Variants in TLE4 observed in about 807,000 individuals in gnomAD.
TLE4 encodes the protein transducin-like enhancer protein 4.
In TLE4, 8 loss-of-function variants were observed where a neutral mutation model predicts 92.8. That is an observed-to-expected ratio of 0.09 (90% CI 0.05 to 0.16). The LOEUF (loss-of-function observed/expected upper bound fraction) is 0.16. TLE4 is among the 10% of genes least tolerant of loss of function. The probability of loss-of-function intolerance (pLI) is 1.00; values close to 1 mark genes in which losing one functional copy is unlikely to be tolerated. For synonymous variants in TLE4, 371 were observed against 374.1 expected, an observed-to-expected ratio of 0.99 and a Z score of 0.10; for missense variants, 675 against 997.6, an observed-to-expected ratio of 0.68 and a Z score of 4.36.
intron 8 of TLE4, among the ~76,000 whole-genome samples, chr9:79,690,294 A>G (rs1232866076): frequency 3.3e-5 from 5 of 152,224 alleles, no homozygotes; most frequent in African/African-American, 9.6e-5. Flanking sequence ...TCACCTCTTC[A>G]TAAACGTGAA....
intron 1 of TLE4, chr9:79,573,462 C>A (rs894495301): frequency 1.6e-5 from 17 of 1,059,744 alleles, no homozygotes; most frequent in Non-Finnish European, 1.8e-5. Context: ...GGGTCCGGGG[C>A]GCGGGGGCCT....
At chr9:79,572,891 G>GC in intron 1 of TLE4, 56 bp downstream of exon 1, 9 of 1,538,820 alleles carry the variant, frequency 5.8e-6, no homozygotes, top group African/African-American at 2.8e-5. Context: ...TCCCCGCGTC[G>GC]CCCCCTGCGC....
chr9:79,667,099 G>C (rs1316925140), intron 8 of TLE4, among the ~76,000 whole-genome samples: 1 of 152,188 alleles, frequency 6.6e-6, no homozygotes, highest in Non-Finnish European at 1.5e-5. Flanking sequence ...GCTGCGCCCA[G>C]ATCTAGACAC....
Position 79,652,749 on chromosome 9 carries a change from C to T in TLE4, c.547C>T (p.Pro183Ser), listed in dbSNP as rs776133635. The T allele has an allele frequency of 4.6e-5, 75 of 1,613,988 alleles. 2 individuals carry two copies. In the South Asian group the frequency reaches 6.4e-4, roughly 14 times the overall value. ...TGCTCTAGGAGGTCAGTCCCATCTT[C>T]CAATTAAAGATGAGAAGAAGCACCA... ...SSALGGQSHL[P>S]IKDEKKHHDN... The change falls in exon 7 of 20, where the codon CCA (proline) becomes TCA (serine). Residue 183 changes from proline (P) to serine (S), a missense_variant. Transcript: ENST00000376552.
At chr9:79,622,253 G>T (rs1044934381) in intron 5 of TLE4, among the ~76,000 whole-genome samples, 1 of 151,840 alleles carries the variant, frequency 6.6e-6, no homozygotes, top group African/African-American at 2.4e-5. Flanking sequence ...CCACTTTAAA[G>T]TGTTCTTGCT....
intron 1 of TLE4, chr9:79,573,122 A>AG (rs1313827998): frequency 7.6e-5 from 47 of 620,474 alleles, no homozygotes; most frequent in Non-Finnish European, 8.7e-5. Flanking sequence ...CGACTCCTCG[A>AG]GGGGGGGTGG....
At chr9:79,710,748 C>G (rs534891110) in intron 14 of TLE4, among the ~76,000 whole-genome samples, 1 of 152,324 alleles carries the variant, frequency 6.6e-6, no homozygotes, top group Non-Finnish European at 1.5e-5. Flanking sequence ...CCCTTCCTCC[C>G]TATTCTTTCC....
At chr9:79,684,264 G>A (rs1486237774) in intron 8 of TLE4, among the ~76,000 whole-genome samples, 1 of 152,068 alleles carries the variant, frequency 6.6e-6, no homozygotes, top group Non-Finnish European at 1.5e-5. Flanking sequence ...TTGCTTATAT[G>A]TCTGCAGTCA....
intron 8 of TLE4, among the ~76,000 whole-genome samples, chr9:79,657,676 A>G (rs995682630): frequency 6.6e-6 from 1 of 152,170 alleles, no homozygotes; most frequent in African/African-American, 2.4e-5. Context: ...TGTGAAGGCC[A>G]AAATTGCCTG....
At chr9:79,710,214 G>C (rs746974448) in intron 14 of TLE4, among the ~76,000 whole-genome samples, 4 of 152,216 alleles carry the variant, frequency 2.6e-5, no homozygotes, top group Admixed American at 1.3e-4. Flanking sequence ...CAACACACCA[G>C]TTGTTCTAGC....
chr9:79,667,895 T>C (rs2061660697), intron 8 of TLE4, among the ~76,000 whole-genome samples: 1 of 152,244 alleles, frequency 6.6e-6, no homozygotes, highest in South Asian at 2.1e-4. Flanking sequence ...ATTTCTCTTT[T>C]CATCTGCCTT....
chr9:79,658,751 A>G (rs1217930363), intron 8 of TLE4, among the ~76,000 whole-genome samples: 5 of 152,222 alleles, frequency 3.3e-5, no homozygotes, highest in African/African-American at 7.2e-5. Context: ...ATAAATTTGT[A>G]TTACTCCAGA....
At chr9:79,653,932 G>A in intron 7 of TLE4, 127 bp from the exon 8 acceptor site, 2 of 1,090,176 alleles carry the variant, frequency 1.8e-6, no homozygotes, top group Non-Finnish European at 2.8e-6. Flanking sequence ...GTTGACATCT[G>A]TGTAATTTAT....
chr9:79,615,889 A>G (rs576382368), intron 5 of TLE4, among the ~76,000 whole-genome samples: 1 of 152,308 alleles, frequency 6.6e-6, no homozygotes, highest in African/African-American at 2.4e-5. Flanking sequence ...CAGGCATTTG[A>G]CAAAGATATT....
chr9:79,610,492 G>C (rs2048108139), intron 4 of TLE4, among the ~76,000 whole-genome samples: 1 of 152,022 alleles, frequency 6.6e-6, no homozygotes, highest in African/African-American at 2.4e-5. Flanking sequence ...GGCAACTTTA[G>C]ATTTCAAAGT....
At chr9:79,633,038 C>G (rs2054725516) in intron 6 of TLE4, among the ~76,000 whole-genome samples, 1 of 152,136 alleles carries the variant, frequency 6.6e-6, no homozygotes, top group Non-Finnish European at 1.5e-5. Flanking sequence ...GTGCCTGCCC[C>G]TCACTCTTTT....
chr9:79,717,899 G>A (rs1188334902), intron 14 of TLE4: 2 of 444,022 alleles, frequency 4.5e-6, no homozygotes, highest in African/African-American at 2.0e-5. Context: ...AACCTAACAT[G>A]CGTCACAACA....
intron 8 of TLE4, among the ~76,000 whole-genome samples, chr9:79,690,779 C>CTTTTTTTTTTTTTTT (rs35528090): frequency 7.4e-5 from 4 of 54,164 alleles, no homozygotes; most frequent in African/African-American, 2.7e-4. Context: ...CCACTCCTGG[C>CTTTTTTTTTTTTTTT]TTTTTTTTTT....
intron 8 of TLE4, among the ~76,000 whole-genome samples, chr9:79,697,645 C>T (rs1172601669): frequency 6.6e-6 from 1 of 151,646 alleles, no homozygotes; most frequent in African/African-American, 2.4e-5. Context: ...GAGGAAGCAA[C>T]AGTGAAGAAA....
Sources: allele counts gnomAD v4.1 joint callset (sites outside exome capture counted in the v4.1 genomes callset), GRCh38; gene constraint gnomAD v4.1.1; transcripts MANE v1.5; gene names NCBI Gene and HGNC (gene_info 2026-07-23, HGNC 2026-07-21).